AKAP6: variants seen among roughly 807,000 people sequenced by gnomAD.
The protein encoded by AKAP6 is A-kinase anchor protein 6.
In AKAP6, 58 loss-of-function variants were observed where a neutral mutation model predicts 188.5. The ratio of observed to expected loss-of-function variants is 0.31; its 90% CI spans 0.25 to 0.38. The LOEUF is 0.38. AKAP6 is among the 10% of genes least tolerant of loss of function. AKAP6 has a pLI of 1.00. For synonymous variants in AKAP6, 989 were observed against 998.6 expected (o/e 0.99, Z 0.18); for missense variants, 2,710 against 2,740.0 (o/e 0.99, Z 0.24).
At chr14:32,710,012 G>A (rs1890974592) in intron 9 of AKAP6, among the ~76,000 whole-genome samples, 1 of 151,946 alleles carries the variant, frequency 6.6e-6, no homozygotes, top group Admixed American at 6.6e-5. Context: ...CCATATATCT[G>A]AGAGGCTTTA....
chr14:32,771,465 G>C (rs770140601), intron 11 of AKAP6, among the ~76,000 whole-genome samples: 6 of 152,004 alleles, frequency 3.9e-5, no homozygotes, highest in South Asian at 2.1e-4. Flanking sequence ...TAAGATAGGA[G>C]TGGGGATCAC....
rs145642690 is a variant in AKAP6, at chr14:32,772,118, A to G, written c.3373-1560A>G. On this transcript the variant is annotated intron_variant, in intron 11 of 13. Coordinates refer to ENST00000280979, the MANE Select transcript of AKAP6 (RefSeq NM_004274.5). The stretch of plus-strand genomic sequence containing the variant: ...AGGGAGAGAGAGAAAGAGAACATGC[A>G]CGTGGGGTTGAGGGGAGACATTTGA... Among the ~76,000 whole-genome samples, 831 of 152,162 alleles carry G rather than the reference A, an allele frequency of 5.5e-3. 15 individuals carry two copies. Among genetic ancestry groups the G allele is most frequent in the African/African-American group, 0.019 (804 of 41,532 alleles).
intron 7 of AKAP6, among the ~76,000 whole-genome samples, chr14:32,677,401 G>T (rs1347881548): frequency 2.0e-5 from 3 of 152,202 alleles, no homozygotes. Flanking sequence ...GTAAAGTAGA[G>T]ATTTCAAGGT....
chr14:32,461,127 G>A (rs1891309370), intron 2 of AKAP6, among the ~76,000 whole-genome samples: 2 of 152,228 alleles, frequency 1.3e-5, no homozygotes, highest in African/African-American at 4.8e-5. Context: ...GGGCAGCTGT[G>A]GTTGCTGCTT....
intron 4 of AKAP6, among the ~76,000 whole-genome samples, chr14:32,574,187 T>C (rs1455183274): frequency 6.6e-6 from 1 of 152,172 alleles, no homozygotes; most frequent in Admixed American, 6.6e-5. Flanking sequence ...CTCAGGTTTC[T>C]ATTGTGAGTG....
Position 32,833,906 on chromosome 14 carries a change from C to T in AKAP6, c.*4101C>T, listed in dbSNP as rs2034846696. On this transcript the variant is annotated 3_prime_UTR_variant, in exon 14 of 14. Transcript: ENST00000280979. ...AGAACAAAGATACTTGGTACTCATC[C>T]CTCAGGTTCATTTATTGTTAATATT... 2 of 152,042 alleles carry T rather than the reference C, an allele frequency of 1.3e-5. No homozygotes were observed. The highest frequency in any genetic ancestry group is 1.3e-4 in the Admixed American group (2 of 15,266). The allele number at this position is 152,042 out of a possible 1,614,324, so 9.4% of individuals were successfully genotyped here. A position where few individuals can be genotyped will look rare whatever the true frequency, so the allele number is the denominator to read the frequency against.
intron 11 of AKAP6, among the ~76,000 whole-genome samples, chr14:32,747,044 G>A (rs1441812606): frequency 6.6e-6 from 1 of 152,126 alleles, no homozygotes; most frequent in Non-Finnish European, 1.5e-5. Flanking sequence ...AAAGAGCTAA[G>A]CAGTTCATAT....
chr14:32,622,438 A>T (rs1294970399), intron 7 of AKAP6, among the ~76,000 whole-genome samples: 1 of 152,156 alleles, frequency 6.6e-6, no homozygotes, highest in East Asian at 1.9e-4. Context: ...TTACAGACCT[A>T]GATAATTGAG....
At chr14:32,435,166 C>G (rs1261392346) in intron 2 of AKAP6, among the ~76,000 whole-genome samples, 5 of 152,166 alleles carry the variant, frequency 3.3e-5, no homozygotes, top group Non-Finnish European at 7.3e-5. Flanking sequence ...TGCTTTGCCC[C>G]CTTCCCTTCT....
intron 2 of AKAP6, among the ~76,000 whole-genome samples, chr14:32,489,265 G>A: frequency 6.6e-6 from 1 of 152,164 alleles, no homozygotes; most frequent in East Asian, 1.9e-4. Flanking sequence ...GCTGTGTACA[G>A]TAGTGTGATC....
chr14:32,530,623 A>T (rs1882368714), intron 2 of AKAP6, among the ~76,000 whole-genome samples: 2 of 152,110 alleles, frequency 1.3e-5, no homozygotes, highest in South Asian at 4.2e-4. Context: ...CAGCAAAGAG[A>T]TCGTCTCCCA....
At chr14:32,720,735 G>A (rs184668701) in intron 9 of AKAP6, among the ~76,000 whole-genome samples, 18 of 152,210 alleles carry the variant, frequency 1.2e-4, no homozygotes, top group African/African-American at 2.6e-4. Context: ...TCCCAGCTAC[G>A]TAGGAGGCTT....
intron 12 of AKAP6, among the ~76,000 whole-genome samples, chr14:32,804,589 A>G (rs528984454): frequency 3.0e-4 from 45 of 152,348 alleles, no homozygotes; most frequent in Non-Finnish European, 5.3e-4. Flanking sequence ...GTCTATGTTC[A>G]GCTGTGCACA....
chr14:32,425,886 A>G (rs1459508656), intron 1 of AKAP6, among the ~76,000 whole-genome samples: 1 of 152,074 alleles, frequency 6.6e-6, no homozygotes, highest in Non-Finnish European at 1.5e-5. Context: ...CTATTGTTGC[A>G]ATTGCTTTTG....
chr14:32,687,928 A>G (rs1001398588), intron 8 of AKAP6, among the ~76,000 whole-genome samples: 1 of 152,116 alleles, frequency 6.6e-6, no homozygotes, highest in East Asian at 1.9e-4. Context: ...CACTTGGGTC[A>G]TGATATTATT....
At chr14:32,369,285 T>G (rs1004578949) in intron 1 of AKAP6, among the ~76,000 whole-genome samples, 3 of 152,080 alleles carry the variant, frequency 2.0e-5, no homozygotes, top group African/African-American at 7.2e-5. Flanking sequence ...ATTAATACAG[T>G]GTGGCACCAA....
chr14:32,821,492 A>G lies in AKAP6; in HGVS notation c.3679A>G (p.Lys1227Glu). The change falls in exon 13 of 14, where the codon AAG (lysine) becomes GAG (glutamate). Residue 1227 changes from lysine (K) to glutamate (E), a missense_variant. Lys to Glu is a moderately conservative substitution (Grantham distance 56). This residue lies in a region of AKAP6 where 2,473 missense variants were observed against 2,426.1 expected (regional missense o/e 1.02). Transcript: ENST00000280979. ...LEWDEMDISN[K>E]LISLNEESND... is the part of the protein sequence containing the mutation. ...ATGGGATGAAATGGACATAAGTAAC[A>G]AGTTAATTAGTTTGAATGAGGAATC... The G allele has an allele frequency of 8.1e-6, 13 of 1,613,764 alleles. No homozygotes were observed. Among genetic ancestry groups the G allele is most frequent in the Non-Finnish European group, 1.1e-5 (13 of 1,179,776 alleles).
chr14:32,719,483 C>T (rs940568229), intron 9 of AKAP6, among the ~76,000 whole-genome samples: 2 of 152,194 alleles, frequency 1.3e-5, no homozygotes, highest in African/African-American at 2.4e-5. Context: ...ACAATGGTTA[C>T]AGTGTTCTAC....
At chr14:32,801,677 G>A (rs984494108) in intron 12 of AKAP6, among the ~76,000 whole-genome samples, 6 of 151,968 alleles carry the variant, frequency 3.9e-5, no homozygotes, top group African/African-American at 1.5e-4. Flanking sequence ...AATATTTTTT[G>A]TAGGGCAGTT....
Sources: gnomAD v4.1 joint callset for allele counts (sites outside exome capture counted in the v4.1 genomes callset) on GRCh38, gnomAD v4.1.1 for gene constraint, gnomAD v4.1.1 regional missense constraint, MANE v1.5 for transcripts, NCBI Gene and HGNC (gene_info 2026-07-23, HGNC 2026-07-21) for gene names.